Variants in TMTC1 observed in about 807,000 individuals in gnomAD.
TMTC1 encodes the protein protein O-mannosyl-transferase TMTC1.
TMTC1 carries 73 observed loss-of-function variants against 104.8 expected under a neutral mutation model. The observed-to-expected ratio is 0.70, with a 90% CI of 0.58 to 0.85. TMTC1 has a LOEUF of 0.85. Ranked by LOEUF, TMTC1 falls within the 40% of genes least tolerant of loss-of-function variation. The pLI is 0.00. For missense variants in TMTC1, 1,035 were observed against 1,096.1 expected (o/e 0.94, Z 0.79); for synonymous variants, 434 against 428.7 (o/e 1.01, Z -0.15).
At chr12:29,760,580 T>C (rs1639826331) in intron 2 of TMTC1, among the ~76,000 whole-genome samples, 1 of 152,144 alleles carries the variant, frequency 6.6e-6, no homozygotes, top group South Asian at 2.1e-4. Context: ...TGGAATCAAA[T>C]TAAAATCACC....
At chr12:29,759,534 A>T (rs1272715274) in intron 2 of TMTC1, among the ~76,000 whole-genome samples, 1 of 152,066 alleles carries the variant, frequency 6.6e-6, no homozygotes, top group Non-Finnish European at 1.5e-5. Context: ...ATGAGTTTGA[A>T]CTCATGATTG....
intron 1 of TMTC1, among the ~76,000 whole-genome samples, chr12:29,775,066 AG>A (rs1235379728): frequency 6.6e-6 from 1 of 152,192 alleles, no homozygotes; most frequent in South Asian, 2.1e-4. Context: ...TACTAAAGAA[AG>A]GGTAAGAAAA....
rs114115351 is a variant in TMTC1 at position 29,757,354 on chromosome 12, T to A, written c.554+1350A>T. On this transcript the variant is annotated intron_variant, in intron 3 of 17. Transcript: ENST00000539277. ...ATTGCAGAATGTCTCTTCTGCAACA[T>A]CTTTGGCTTCTACCCACTAGATGCC... Among the ~76,000 whole-genome samples, 838 of 152,326 alleles carry A rather than the reference T, an allele frequency of 5.5e-3. 9 individuals carry two copies. Among genetic ancestry groups the A allele is most frequent in the African/African-American group, 0.019 (801 of 41,574 alleles).
At chr12:29,729,221 T>C (rs917811021) in intron 5 of TMTC1, among the ~76,000 whole-genome samples, 1 of 151,614 alleles carries the variant, frequency 6.6e-6, no homozygotes, top group Non-Finnish European at 1.5e-5. Context: ...TTCTCAATAA[T>C]TTGTCACTAT....
At chr12:29,514,200 C>G (rs1202559201) in intron 16 of TMTC1, among the ~76,000 whole-genome samples, 4 of 152,118 alleles carry the variant, frequency 2.6e-5, no homozygotes. Flanking sequence ...GAGACACAGA[C>G]AGAGAGAAGC....
chr12:29,738,970 C>G (rs951539648), intron 5 of TMTC1, among the ~76,000 whole-genome samples: 6 of 152,178 alleles, frequency 3.9e-5, no homozygotes, highest in African/African-American at 1.4e-4. Context: ...TGAGCTTTCA[C>G]AAATATGCGG....
intron 5 of TMTC1, among the ~76,000 whole-genome samples, chr12:29,681,433 T>C (rs1018807800): frequency 2.0e-5 from 3 of 152,184 alleles, no homozygotes; most frequent in South Asian, 2.1e-4. Context: ...CCTAGGTATA[T>C]GGCAACTCAC....
chr12:29,697,377 T>G (rs1257777134), intron 5 of TMTC1, among the ~76,000 whole-genome samples: 1 of 152,218 alleles, frequency 6.6e-6, no homozygotes, highest in African/African-American at 2.4e-5. Context: ...CTCTCACAAC[T>G]CAGAAATCTG....
chr12:29,569,034 A>G (rs1374908116), intron 9 of TMTC1: 11 of 455,162 alleles, frequency 2.4e-5, no homozygotes, highest in Admixed American at 7.1e-5. Context: ...AAGCAAAGCT[A>G]ACACTTGATG....
chr12:29,761,599 A>C (rs191550052), intron 2 of TMTC1, among the ~76,000 whole-genome samples: 1 of 149,572 alleles, frequency 6.7e-6, no homozygotes, highest in African/African-American at 2.5e-5. Flanking sequence ...TTTTAATCCA[A>C]GAAATAAGAG....
At chr12:29,721,089 T>C (rs1006813825) in intron 5 of TMTC1, among the ~76,000 whole-genome samples, 2 of 152,160 alleles carry the variant, frequency 1.3e-5, no homozygotes, top group Admixed American at 1.3e-4. Flanking sequence ...ATTTTAAATA[T>C]ACAAAACTAA....
At position 29,502,521 on chromosome 12, in the gene TMTC1, G is replaced by C. The variant is rs2136114494; in HGVS notation, c.*4325C>G. On this transcript the variant is annotated 3_prime_UTR_variant, in exon 18 of 18. Transcript: ENST00000539277. Reference sequence around the variant, plus strand: ...TTAGTCTGGTACATGCAAATTTCAAGGCAATTCCTCTCCATCTGAGAACGA... The same window carrying C: ...TTAGTCTGGTACATGCAAATTTCAACGCAATTCCTCTCCATCTGAGAACGA... The C allele has an allele frequency of 6.6e-6, 1 of 152,026 alleles. No individual in the cohort carries two copies. The highest frequency in any genetic ancestry group is 2.4e-5 in the African/African-American group (1 of 41,462). 9.4% of individuals were successfully genotyped at this position (152,026 alleles called of 1,614,324 possible).
chr12:29,631,111 G>C (rs147685112), intron 6 of TMTC1, among the ~76,000 whole-genome samples: 109 of 152,194 alleles, frequency 7.2e-4, no homozygotes, highest in African/African-American at 2.6e-3. Flanking sequence ...TTTTTGCCTT[G>C]TTAATCTTGA....
intron 5 of TMTC1, among the ~76,000 whole-genome samples, chr12:29,643,463 A>AT (rs1347179081): frequency 5.5e-5 from 3 of 54,958 alleles, no homozygotes; most frequent in African/African-American, 9.8e-5. Context: ...TATATGATGG[A>AT]ATATATATAT....
chr12:29,701,254 T>C (rs1941585676), intron 5 of TMTC1, among the ~76,000 whole-genome samples: 1 of 152,166 alleles, frequency 6.6e-6, no homozygotes, highest in African/African-American at 2.4e-5. Flanking sequence ...CACTGAGGCT[T>C]CCTGCTGCGG....
At position 29,633,319 on chromosome 12, in the gene TMTC1, T is replaced by C; in HGVS notation, c.956A>G (p.Tyr319Cys). ...AAGCCACACATTGAAGGCCAAGAGG[T>C]AGGAATAGGTGAGGAATCTATAAAG... is the stretch of plus-strand genomic sequence containing the variant. ...WSMMRFLTYS[Y>C]LLAFNVWLLL... Residue 319 changes from tyrosine to cysteine, a missense_variant, in exon 6 of 18, where the codon TAC (tyrosine) becomes TGC (cysteine). Transcript: ENST00000539277. 1 of 1,610,854 alleles carries C rather than the reference T, an allele frequency of 6.2e-7. No individual in the cohort carries two copies. Among genetic ancestry groups the C allele is most frequent in the Non-Finnish European group, 8.5e-7 (1 of 1,178,090 alleles).
intron 10 of TMTC1, among the ~76,000 whole-genome samples, chr12:29,545,334 C>A (rs1944909923): frequency 6.6e-6 from 1 of 152,198 alleles, no homozygotes; most frequent in Non-Finnish European, 1.5e-5. Context: ...CACTTGTTCT[C>A]ACCCTTTGTT....
At chr12:29,761,829 C>A (rs1162099991) in intron 2 of TMTC1, among the ~76,000 whole-genome samples, 1 of 152,068 alleles carries the variant, frequency 6.6e-6, no homozygotes, top group Admixed American at 6.5e-5. Context: ...GGAAATATAC[C>A]TATAAGCATC....
intron 5 of TMTC1, among the ~76,000 whole-genome samples, chr12:29,657,058 T>C (rs780253333): frequency 2.6e-5 from 4 of 152,214 alleles, no homozygotes; most frequent in Non-Finnish European, 5.9e-5. Flanking sequence ...TATGTTCTTG[T>C]TCTCCCCCAT....
Sources: allele counts gnomAD v4.1 joint callset (sites outside exome capture counted in the v4.1 genomes callset), GRCh38; gene constraint gnomAD v4.1.1; transcripts MANE v1.5; gene names NCBI Gene and HGNC (gene_info 2026-07-23, HGNC 2026-07-21).